Variants in ARMH4 observed in about 807,000 individuals in gnomAD.
The protein encoded by ARMH4 is armadillo like helical domain containing 4.
In ARMH4, 49 loss-of-function variants were observed where a neutral mutation model predicts 61.9. That is an observed-to-expected ratio of 0.79 (90% CI 0.63 to 1.00). The LOEUF is 1.00. ARMH4 is among the 50% of genes least tolerant of loss of function. The probability of loss-of-function intolerance (pLI) is 0.00; values close to 1 mark genes in which losing one functional copy is unlikely to be tolerated. For synonymous variants in ARMH4, 368 were observed against 341.5 expected, an observed-to-expected ratio of 1.08 and a Z score of -0.85; for missense variants, 934 against 930.0, an observed-to-expected ratio of 1.00 and a Z score of -0.06.
chr14:58,044,192 T>C (rs576967695), intron 5 of ARMH4, among the ~76,000 whole-genome samples: 79 of 152,306 alleles, frequency 5.2e-4, no homozygotes, highest in African/African-American at 1.9e-3. Flanking sequence ...GCTGGAGGCA[T>C]CACACTACCT....
rs1418559196 is a variant in ARMH4, at chr14:58,096,941, T to C, written c.1872A>G (p.Glu624=). ...EDEDEEDEED[E]DEEEEDEEED... is the part of the protein sequence containing the mutation. Reference sequence around the variant, plus strand: ...CTTCCTCATCTTCCTCTTCTTCATCTTCATCTTCTTCATCCTCTTCATCCT... The same window carrying C: ...CTTCCTCATCTTCCTCTTCTTCATCCTCATCTTCTTCATCCTCTTCATCCT... The change falls in exon 5 of 8, where the codon GAA becomes GAG. Residue 624 remains glutamate, a synonymous_variant. Coordinates refer to ENST00000267485, the MANE Select transcript of ARMH4 (RefSeq NM_001001872.4). 1 of 1,612,912 alleles carries C rather than the reference T, an allele frequency of 6.2e-7. No homozygotes were observed. The highest frequency in any genetic ancestry group is 1.3e-5 in the African/African-American group (1 of 74,276).
chr14:58,104,990 C>T (rs539127712), intron 4 of ARMH4, among the ~76,000 whole-genome samples: 2 of 152,262 alleles, frequency 1.3e-5, no homozygotes, highest in Non-Finnish European at 2.9e-5. Flanking sequence ...AGCTGTAAAA[C>T]AAACCAGAGT....
At chr14:58,087,673 C>T (rs891801138) in intron 5 of ARMH4, among the ~76,000 whole-genome samples, 1 of 152,156 alleles carries the variant, frequency 6.6e-6, no homozygotes, top group South Asian at 2.1e-4. Flanking sequence ...TCAGTGCTGT[C>T]TGCCTGAGAT....
At chr14:58,005,576 C>A (rs1339457467) in intron 6 of ARMH4, among the ~76,000 whole-genome samples, 1 of 152,136 alleles carries the variant, frequency 6.6e-6, no homozygotes, top group Non-Finnish European at 1.5e-5. Flanking sequence ...CAGAGTCAAG[C>A]TTAAAGGAGG....
intron 5 of ARMH4, among the ~76,000 whole-genome samples, chr14:58,030,231 C>A (rs1483213788): frequency 6.6e-6 from 1 of 152,170 alleles, no homozygotes; most frequent in African/African-American, 2.4e-5. Flanking sequence ...TTCACCCATC[C>A]TGCCTCAGTG....
intron 5 of ARMH4, among the ~76,000 whole-genome samples, chr14:58,017,971 G>C (rs892604497): frequency 3.9e-5 from 6 of 152,122 alleles, no homozygotes; most frequent in Non-Finnish European, 7.4e-5. Context: ...ATAAATTCAT[G>C]CATTTACCAT....
rs1566551497 is a variant in ARMH4 at position 58,038,566 on chromosome 14, A to AT, written c.2090-26417_2090-26416insA. ...TTAAAGTATAATAAAAAAAAATTAA[A>AT]AAAAAAAAAAGAAATACTTAAATTC... is the stretch of plus-strand genomic sequence containing the variant. On this transcript the variant is annotated intron_variant, in intron 5 of 7. Coordinates refer to ENST00000267485, the MANE Select transcript of ARMH4 (RefSeq NM_001001872.4). 6.1e-4 allele frequency among the ~76,000 whole-genome samples: 90 copies of AT among 146,676 alleles called. 2 individuals carry two copies. The East Asian group carries it at 0.021, about 33-fold the overall frequency.
intron 4 of ARMH4, among the ~76,000 whole-genome samples, chr14:58,121,661 T>C (rs550231592): frequency 2.6e-5 from 4 of 152,302 alleles, no homozygotes; most frequent in African/African-American, 7.2e-5. Flanking sequence ...TACTTAGGAA[T>C]AGAGCTCTGT....
At chr14:58,011,505 C>T (rs867788143) in intron 6 of ARMH4, among the ~76,000 whole-genome samples, 6 of 152,050 alleles carry the variant, frequency 3.9e-5, no homozygotes, top group African/African-American at 1.4e-4. Context: ...GAATTCAGGA[C>T]TCCATCAATA....
chr14:58,061,349 TC>T (rs1357466707), intron 5 of ARMH4, among the ~76,000 whole-genome samples: 4 of 152,060 alleles, frequency 2.6e-5, no homozygotes, highest in Non-Finnish European at 5.9e-5. Flanking sequence ...CCTCTAGTCC[TC>T]CTCCTACTAG....
intron 5 of ARMH4, among the ~76,000 whole-genome samples, chr14:58,039,765 A>G (rs1883621987): frequency 6.6e-6 from 1 of 152,234 alleles, no homozygotes; most frequent in Admixed American, 6.5e-5. Flanking sequence ...ACTCAACACT[A>G]TGGCTTATGA....
intron 1 of ARMH4, chr14:58,141,638 A>C: frequency 2.4e-6 from 1 of 416,898 alleles, no homozygotes; most frequent in Non-Finnish European, 4.6e-6. Context: ...CACACCAACA[A>C]CCTGTACCCC....
At chr14:58,032,832 C>T (rs576226172) in intron 5 of ARMH4, among the ~76,000 whole-genome samples, 2 of 152,182 alleles carry the variant, frequency 1.3e-5, no homozygotes, top group East Asian at 1.9e-4. Context: ...CTGAATATTG[C>T]GCTTTTCAGA....
chr14:58,023,277 C>G (rs547771989), intron 5 of ARMH4, among the ~76,000 whole-genome samples: 26 of 152,210 alleles, frequency 1.7e-4, no homozygotes, highest in African/African-American at 6.0e-4. Flanking sequence ...CCTCTCAAAC[C>G]CTGCCACTGC....
intron 1 of ARMH4, among the ~76,000 whole-genome samples, chr14:58,151,855 C>T (rs1029761087): frequency 6.6e-6 from 1 of 152,358 alleles, no homozygotes; most frequent in East Asian, 1.9e-4. Flanking sequence ...GCGCGCCGCG[C>T]CCAGCGCGCC....
At chr14:58,007,347 T>A (rs7158608) in intron 6 of ARMH4, among the ~76,000 whole-genome samples, 86,799 of 152,028 alleles carry the variant, frequency 0.57, 24,921 homozygotes, top group East Asian at 0.67. Flanking sequence ...AAATTTATAT[T>A]TATATTTGTA....
chr14:58,044,527 G>C (rs1275542880), intron 5 of ARMH4, among the ~76,000 whole-genome samples: 1 of 152,170 alleles, frequency 6.6e-6, no homozygotes, highest in African/African-American at 2.4e-5. Context: ...AGAAAACCTA[G>C]GCAATACCAT....
chr14:58,137,044 T>C (rs1380958712), intron 2 of ARMH4, among the ~76,000 whole-genome samples: 1 of 152,222 alleles, frequency 6.6e-6, no homozygotes, highest in Non-Finnish European at 1.5e-5. Flanking sequence ...TATGTAAGTA[T>C]CCAACATTAT....
chr14:58,047,759 T>C (rs1047161381), intron 5 of ARMH4, among the ~76,000 whole-genome samples: 9 of 152,036 alleles, frequency 5.9e-5, no homozygotes, highest in Admixed American at 1.3e-4. Flanking sequence ...TGGTTTAAGG[T>C]GCAGTAATTA....
Sources: allele counts gnomAD v4.1 joint callset (sites outside exome capture counted in the v4.1 genomes callset), GRCh38; gene constraint gnomAD v4.1.1; transcripts MANE v1.5; gene names NCBI Gene and HGNC (gene_info 2026-07-23, HGNC 2026-07-21).